FBXL19: variants seen among roughly 807,000 people sequenced by gnomAD.
FBXL19 encodes the protein F-box/LRR-repeat protein 19.
FBXL19 carries 16 observed loss-of-function variants against 71.2 expected under a neutral mutation model. The ratio of observed to expected loss-of-function variants is 0.22; its 90% confidence interval spans 0.15 to 0.34. The LOEUF (loss-of-function observed/expected upper bound fraction) is 0.34, where lower values mean the gene tolerates loss of function less well. FBXL19 is among the 10% of genes least tolerant of loss of function. FBXL19 has a pLI of 1.00. For missense variants in FBXL19, 658 were observed against 968.2 expected, an observed-to-expected ratio of 0.68 and a Z score of 4.25; for synonymous variants, 447 against 409.4, an observed-to-expected ratio of 1.09 and a Z score of -1.11.
rs766566047 is a variant in FBXL19, at chr16:30,942,097, TC to T, written c.1302-13del. On this transcript the variant is annotated intron_variant, in intron 7 of 10. Transcript: ENST00000338343. This position sits in a 1 kb window ranked among gnomAD's most constrained non-coding sequence, Gnocchi z 5.7. Reference sequence around the variant, plus strand: ...AGAGCTGAGGGCTGAGGTCTCTGTCTCCCCCCTATGGCCGCCAGGTGCTATG... The same window carrying T: ...AGAGCTGAGGGCTGAGGTCTCTGTCTCCCCCTATGGCCGCCAGGTGCTATG... The T allele has an allele frequency of 2.6e-6, 4 of 1,543,494 alleles. No individual in the cohort carries two copies. Among genetic ancestry groups the T allele is most frequent in the East Asian group, 2.3e-5 (1 of 43,176 alleles).
chr16:30,945,920 T>C (rs1232050380), intron 9 of FBXL19, among the ~76,000 whole-genome samples: 1 of 142,086 alleles, frequency 7.0e-6, no homozygotes, highest in Non-Finnish European at 1.5e-5. Flanking sequence ...TGTCAAATGG[T>C]GAGAAAAAGA....
In FBXL19 at chr16:30,930,016, G is replaced by T. The variant is rs561099680; in HGVS notation, c.790-57G>T. On this transcript the variant is annotated intron_variant, in intron 6 of 10. Coordinates refer to ENST00000338343, the MANE Select transcript of FBXL19 (RefSeq NM_001382779.1). This position sits in a 1 kb window ranked among gnomAD's most constrained non-coding sequence, Gnocchi z 8.5. ...ATCCCCTGGTGACTCCTCGGGGTAG[G>T]GGGGTGGGAAAATGTATCCCAGGCC... is the stretch of plus-strand genomic sequence containing the variant. 3.8e-5 allele frequency: 60 copies of T among 1,562,856 alleles called. No homozygotes were observed. Among genetic ancestry groups the T allele is most frequent in the African/African-American group, 6.8e-5 (5 of 73,936 alleles).
chr16:30,932,787 G>A (rs189001638), intron 7 of FBXL19, among the ~76,000 whole-genome samples: 10 of 152,122 alleles, frequency 6.6e-5, no homozygotes. Context: ...AGGAGGCTCT[G>A]CGAGGTCTGG....
In FBXL19 at chr16:30,946,514, A is replaced by AGT. The variant is rs1324766985; in HGVS notation, c.1628-215_1628-214dup. ...GCCACCACGCCTGGCAGAATATTGT[A>AGT]GTCTCAAATACAATAATCATGGAAG... On this transcript the variant is annotated intron_variant, in intron 9 of 10. Transcript: ENST00000338343. This position sits in a 1 kb window ranked among gnomAD's most constrained non-coding sequence, Gnocchi z 6.7. 6.6e-6 allele frequency among the ~76,000 whole-genome samples: 1 copy of AGT among 152,200 alleles called. No individual in the cohort carries two copies. Among genetic ancestry groups the AGT allele is most frequent in the Non-Finnish European group, 1.5e-5 (1 of 68,038 alleles).
chr16:30,936,592 A>AT (rs1305374845), intron 7 of FBXL19, among the ~76,000 whole-genome samples: 3 of 129,466 alleles, frequency 2.3e-5, no homozygotes, highest in African/African-American at 9.3e-5. Flanking sequence ...CGCCTGGCTA[A>AT]TTTTTTTTCT....
intron 7 of FBXL19, among the ~76,000 whole-genome samples, chr16:30,936,033 G>A (rs995083293): frequency 6.6e-6 from 1 of 152,142 alleles, no homozygotes; most frequent in Admixed American, 6.6e-5. Context: ...TGGGCCTACC[G>A]ACTGCACCAA....
In FBXL19 at chr16:30,930,207, G is replaced by A. The variant is rs569746984; in HGVS notation, c.924G>A (p.Ser308=). The change falls in exon 7 of 11, where the codon TCG becomes TCA. Residue 308 remains serine (S), a synonymous_variant. Coordinates refer to ENST00000338343, the MANE Select transcript of FBXL19 (RefSeq NM_001382779.1). The surrounding 1 kb of genome is among the most constrained non-coding windows in gnomAD (Gnocchi z 8.5). ...ERVPDTSSSS[S]DSDSDSDSSG... is the part of the protein sequence containing the mutation. ...TGCCTGACACCTCCTCTTCCTCCTC[G>A]GACTCAGACTCCGACTCCGACTCTT... The A allele has an allele frequency of 2.5e-6, 4 of 1,613,170 alleles. No homozygotes were observed. Among genetic ancestry groups the A allele is most frequent in the Admixed American group, 1.7e-5 (1 of 60,036 alleles).
chr16:30,937,038 G>A (rs1430484201), intron 7 of FBXL19, among the ~76,000 whole-genome samples: 8 of 152,110 alleles, frequency 5.3e-5, no homozygotes, highest in Non-Finnish European at 1.0e-4. Flanking sequence ...CACCGCACAC[G>A]CTTGCCTCAT....
Position 30,946,974 on chromosome 16 carries a change from G to T in FBXL19, c.1846+26G>T. 1.3e-6 allele frequency: 2 copies of T among 1,588,554 alleles called. No individual in the cohort carries two copies. On this transcript the variant is annotated intron_variant, in intron 10 of 10. Transcript: ENST00000338343. The surrounding 1 kb of genome is among the most constrained non-coding windows in gnomAD (Gnocchi z 6.7). ...GTAAGCACGGTCCCCCATCCGTCCT[G>T]CCAGCCTGTGGATCCCCACGGCCAG...
intron 7 of FBXL19, among the ~76,000 whole-genome samples, chr16:30,933,071 G>T (rs1328407565): frequency 6.6e-6 from 1 of 151,842 alleles, no homozygotes; most frequent in Non-Finnish European, 1.5e-5. Context: ...CGCAATCTCA[G>T]CTCACCACAA....
chr16:30,923,016 A>C (rs1269221258), upstream of FBXL19: 1 of 456,718 alleles, frequency 2.2e-6, no homozygotes, highest in African/African-American at 2.0e-5. Context: ...CGCACCTCGT[A>C]AGATCGACTA....
intron 9 of FBXL19, among the ~76,000 whole-genome samples, chr16:30,944,894 A>G (rs2055842236): frequency 6.6e-6 from 1 of 152,202 alleles, no homozygotes; most frequent in Non-Finnish European, 1.5e-5. Flanking sequence ...AAGTGCCCAT[A>G]GAGTTGGCCT....
intron 9 of FBXL19, among the ~76,000 whole-genome samples, chr16:30,944,350 C>T (rs2055835843): frequency 6.6e-6 from 1 of 151,836 alleles, no homozygotes; most frequent in Non-Finnish European, 1.5e-5. Flanking sequence ...CTGATCCTCT[C>T]CCTCCTCCCT....
chr16:30,928,073 C>T (rs1334224525), intron 5 of FBXL19, 110 bp downstream of exon 5: 1 of 750,922 alleles, frequency 1.3e-6, no homozygotes, highest in African/African-American at 1.8e-5. Flanking sequence ...TGTGGGTTCC[C>T]CAAGGACTGT....
intron 7 of FBXL19, among the ~76,000 whole-genome samples, chr16:30,935,535 C>G (rs1430370156): frequency 6.6e-6 from 1 of 152,066 alleles, no homozygotes; most frequent in Admixed American, 6.6e-5. Context: ...AGGACATGGA[C>G]AGAGAGAAGG....
At chr16:30,937,852 G>A (rs755407838) in intron 7 of FBXL19, among the ~76,000 whole-genome samples, 15 of 152,114 alleles carry the variant, frequency 9.9e-5, no homozygotes, top group Non-Finnish European at 1.9e-4. Context: ...GCTGTGGACC[G>A]TGGAAGGGAA....
At chr16:30,934,535 G>A (rs1385729091) in intron 7 of FBXL19, among the ~76,000 whole-genome samples, 1 of 151,906 alleles carries the variant, frequency 6.6e-6, no homozygotes, top group African/African-American at 2.4e-5. Flanking sequence ...GTGGGCGCCT[G>A]TAATTCCAGC....
chr16:30,923,586 G>A lies in FBXL19; in HGVS notation c.-898G>A, dbSNP rs1199476084. Among the ~76,000 whole-genome samples, 1 of 149,718 alleles carries A rather than the reference G, an allele frequency of 6.7e-6. No individual in the cohort carries two copies. The highest frequency in any genetic ancestry group is 1.5e-5 in the Non-Finnish European group (1 of 67,148). ...GGGGAGGGGGGAAGAGAGGAGGAAG[G>A]AGGAAGGAGCTGAGGAGGGATGAGA... is the stretch of plus-strand genomic sequence containing the variant. On this transcript the variant is annotated 5_prime_UTR_variant, in exon 1 of 11. Transcript: ENST00000338343.
In FBXL19 at chr16:30,946,135, G is replaced by A. The variant is rs2055856363; in HGVS notation, c.1628-595G>A. On this transcript the variant is annotated intron_variant, in intron 9 of 10. Transcript: ENST00000338343. The surrounding 1 kb of genome is among the most constrained non-coding windows in gnomAD (Gnocchi z 6.7). ...ACGTAGCTTTTACTCTTGATGGAAC[G>A]TGAAGGAATCGGCATGTCACATGGC... Among the ~76,000 whole-genome samples, 4 of 152,272 alleles carry A rather than the reference G, an allele frequency of 2.6e-5. No individual in the cohort carries two copies. Among genetic ancestry groups the A allele is most frequent in the Admixed American group, 1.3e-4 (2 of 15,296 alleles).
Sources: gnomAD v4.1 joint callset for allele counts (sites outside exome capture counted in the v4.1 genomes callset) on GRCh38, gnomAD v4.1.1 for gene constraint, Gnocchi (gnomAD v3.1) non-coding constraint, MANE v1.5 for transcripts, NCBI Gene and HGNC (gene_info 2026-07-23, HGNC 2026-07-21) for gene names.